The following IL20RB variants were observed in gnomAD, a reference collection of about 807,000 sequenced individuals.
The protein encoded by IL20RB is interleukin 20 receptor subunit beta.
A neutral mutation model predicts 33.3 loss-of-function variants in IL20RB; 21 were observed. That is an observed-to-expected ratio of 0.63 (90% CI 0.45 to 0.91). IL20RB has a LOEUF of 0.91. Among genes scored for constraint, IL20RB ranks in the 40% least tolerant of loss-of-function variants. The pLI is 0.00. For synonymous variants in IL20RB, 147 were observed against 146.8 expected (o/e 1.00, Z -0.01); for missense variants, 345 against 384.8 (o/e 0.90, Z 0.86).
chr3:136,994,859 CGT>C (rs144843269), intron 5 of IL20RB, among the ~76,000 whole-genome samples: 55 of 152,168 alleles, frequency 3.6e-4, no homozygotes, highest in Non-Finnish European at 7.5e-4. Flanking sequence ...AGCAACTACA[CGT>C]CCAGCCCCCA....
At chr3:136,971,265 G>T (rs1278881352) in intron 1 of IL20RB, among the ~76,000 whole-genome samples, 5 of 152,034 alleles carry the variant, frequency 3.3e-5, no homozygotes, top group African/African-American at 9.7e-5. Flanking sequence ...CAAGTAGCTG[G>T]GACTATGGGC....
intron 3 of IL20RB, among the ~76,000 whole-genome samples, chr3:136,988,983 T>A (rs1941972350): frequency 6.6e-6 from 1 of 152,040 alleles, no homozygotes; most frequent in African/African-American, 2.4e-5. Context: ...TGAGCTCACA[T>A]AGGCATTTGG....
intron 1 of IL20RB, among the ~76,000 whole-genome samples, chr3:136,961,252 CTT>C (rs1164797673): frequency 2.6e-5 from 4 of 152,136 alleles, no homozygotes; most frequent in Admixed American, 2.6e-4. Context: ...AAAAACTTGT[CTT>C]CAGGGAGCCT....
intron 3 of IL20RB, 25 bp downstream of exon 3, chr3:136,982,375 C>G (rs764749784): frequency 6.7e-7 from 1 of 1,488,354 alleles, no homozygotes; most frequent in Non-Finnish European, 9.2e-7. Flanking sequence ...TCCTTACACT[C>G]CCACCCCAAC....
At chr3:136,983,676 G>C (rs1423284636) in intron 3 of IL20RB, among the ~76,000 whole-genome samples, 3 of 152,174 alleles carry the variant, frequency 2.0e-5, no homozygotes, top group Non-Finnish European at 4.4e-5. Context: ...AAATAACCCA[G>C]GGGGAAACAA....
chr3:136,982,157 C>T lies in IL20RB; in HGVS notation c.216-3C>T. On this transcript the variant is annotated splice_polypyrimidine_tract_variant and splice_region_variant and intron_variant, in intron 2 of 6. Transcript: ENST00000329582. ...TAACTCTGTGCCCTCCTCTCTTTGA[C>T]AGGGAGTACGAGAGCCTGTACACGA... is the stretch of plus-strand genomic sequence containing the variant. 2 of 1,548,880 alleles carry T rather than the reference C, an allele frequency of 1.3e-6. No individual in the cohort carries two copies. The highest frequency in any genetic ancestry group is 1.4e-5 in the African/African-American group (1 of 73,700).
intron 6 of IL20RB, among the ~76,000 whole-genome samples, chr3:137,005,592 G>A (rs914308350): frequency 1.3e-5 from 2 of 152,066 alleles, no homozygotes; most frequent in African/African-American, 4.8e-5. Flanking sequence ...TGCAACCCCT[G>A]CTTTTTTTTC....
chr3:136,963,690 T>A (rs1433217485), intron 1 of IL20RB, among the ~76,000 whole-genome samples: 3 of 93,324 alleles, frequency 3.2e-5, no homozygotes, highest in East Asian at 9.2e-4. Flanking sequence ...TTTTTTTTTT[T>A]TTATTTTTTT....
chr3:136,973,022 A>T (rs1042946461), intron 1 of IL20RB, among the ~76,000 whole-genome samples: 8 of 152,060 alleles, frequency 5.3e-5, no homozygotes, highest in African/African-American at 1.9e-4. Flanking sequence ...GAAATTTGAA[A>T]ATTTCCATGT....
At chr3:136,966,166 T>G (rs1264470720) in intron 1 of IL20RB, among the ~76,000 whole-genome samples, 1 of 142,960 alleles carries the variant, frequency 7.0e-6, no homozygotes, top group East Asian at 2.2e-4. Flanking sequence ...TCTTTTTTTG[T>G]TGTGTCTCTG....
intron 4 of IL20RB, among the ~76,000 whole-genome samples, chr3:136,990,941 C>T (rs1179083873): frequency 6.6e-6 from 1 of 152,216 alleles, no homozygotes; most frequent in African/African-American, 2.4e-5. Flanking sequence ...GCAGCTCCCT[C>T]AGATTCGCTG....
chr3:136,995,352 C>G, intron 5 of IL20RB, 62 bp from the exon 6 acceptor site: 2 of 1,586,018 alleles, frequency 1.3e-6, no homozygotes, highest in African/African-American at 2.7e-5. Context: ...GGGGGAGGCT[C>G]AGGATTGAAG....
intron 2 of IL20RB, among the ~76,000 whole-genome samples, chr3:136,981,265 T>TTAAAATTAAA (rs3054121): frequency 2.7e-5 from 4 of 146,424 alleles, no homozygotes; most frequent in Non-Finnish European, 4.5e-5. Context: ...GCTATTTAAA[T>TTAAAATTAAA]TTAAATTAAA....
At chr3:136,981,925 G>A (rs1941784833) in intron 2 of IL20RB, 2 of 323,746 alleles carry the variant, frequency 6.2e-6, no homozygotes, top group Admixed American at 4.8e-5. Context: ...GAGATGAAGA[G>A]ATAAAAGAGA....
At position 136,958,119 on chromosome 3, in the gene IL20RB, G is replaced by A; in HGVS notation, c.6G>A (p.Gln2=). ...GGTCAAACTGAGTCTACCAAATGCA[G>A]ACTTTCACAATGGTTCTAGAAGAAA... is the stretch of plus-strand genomic sequence containing the variant. The part of the protein sequence containing the change: M[Q]TFTMVLEEIW... The change falls in exon 1 of 7, where the codon CAG becomes CAA. Residue 2 remains glutamine, a synonymous_variant. Coordinates refer to ENST00000329582, the MANE Select transcript of IL20RB (RefSeq NM_144717.4). 6.3e-7 allele frequency: 1 copy of A among 1,598,562 alleles called. No individual in the cohort carries two copies. The highest frequency in any genetic ancestry group is 1.1e-5 in the South Asian group (1 of 90,602).
intron 3 of IL20RB, among the ~76,000 whole-genome samples, chr3:136,985,768 T>A (rs1241655861): frequency 6.6e-6 from 1 of 152,202 alleles, no homozygotes; most frequent in Non-Finnish European, 1.5e-5. Context: ...GTTTAAATGA[T>A]CTGCATGCAT....
rs759673856 is a variant in IL20RB, at chr3:136,995,479, G to A, written c.748G>A (p.Val250Met). The A allele has an allele frequency of 2.2e-5, 35 of 1,614,008 alleles. No individual in the cohort carries two copies. The highest frequency in any genetic ancestry group is 3.3e-5 in the South Asian group (3 of 91,084). ...TGGCTTCATGCTGATCCTTGTGGTCGTGCCACTGTTCGTCTGGAAAATGGG... is the reference window on the plus strand; with the variant it reads ...TGGCTTCATGCTGATCCTTGTGGTCATGCCACTGTTCGTCTGGAAAATGGG... ...FVGFMLILVV[V>M]PLFVWKMGRL... is the part of the protein sequence containing the mutation. The change falls in exon 6 of 7, where the codon GTG becomes ATG. Residue 250 changes from valine to methionine, a missense_variant. Val to Met is a conservative substitution (Grantham distance 21, BLOSUM62 1). Transcript: ENST00000329582.
At chr3:136,980,666 A>C in intron 2 of IL20RB, 74 bp downstream of exon 2, 1 of 1,560,410 alleles carries the variant, frequency 6.4e-7, no homozygotes, top group South Asian at 1.1e-5. Context: ...CTTCCTCCTG[A>C]GCCCAAGGTG....
chr3:136,969,938 CTCCTGTTTTT>C (rs887128060), intron 1 of IL20RB, among the ~76,000 whole-genome samples: 2 of 151,922 alleles, frequency 1.3e-5, no homozygotes, highest in Non-Finnish European at 2.9e-5. Flanking sequence ...TGAAGATTTT[CTCCTGTTTTT>C]TCCTAAAAGT....
Sources: gnomAD v4.1 joint callset for allele counts (sites outside exome capture counted in the v4.1 genomes callset) on GRCh38, gnomAD v4.1.1 for gene constraint, MANE v1.5 for transcripts, NCBI Gene and HGNC (gene_info 2026-07-23, HGNC 2026-07-21) for gene names.